HAO2: variants seen among roughly 807,000 people sequenced by gnomAD.
The protein encoded by HAO2 is 2-Hydroxyacid oxidase 2.
Under a neutral mutation model 37.4 loss-of-function variants are expected in HAO2, and 42 were observed. That is an observed-to-expected ratio of 1.12 (90% confidence interval 0.88 to 1.45). HAO2 has a LOEUF of 1.45. HAO2 is among the 40% of genes most tolerant of loss of function. The probability of loss-of-function intolerance (pLI) is 0.00; values close to 1 mark genes in which losing one functional copy is unlikely to be tolerated. For synonymous variants in HAO2, 180 were observed against 162.8 expected (o/e 1.11, Z -0.81); for missense variants, 476 against 430.2 (o/e 1.11, Z -0.94).
intron 1 of HAO2, among the ~76,000 whole-genome samples, chr1:119,371,061 C>G (rs6691943): frequency 0.074 from 11,208 of 152,192 alleles, 569 homozygotes; most frequent in East Asian, 0.19. Flanking sequence ...ACATAGAACT[C>G]CTTTCCCAAT....
chr1:119,381,712 C>T (rs1161719488), intron 2 of HAO2, among the ~76,000 whole-genome samples: 1 of 152,166 alleles, frequency 6.6e-6, no homozygotes, highest in East Asian at 1.9e-4. Context: ...GGTCAACCAA[C>T]AGCAGTCCAC....
chr1:119,379,446 C>T (rs1649741576), intron 1 of HAO2, among the ~76,000 whole-genome samples: 1 of 152,178 alleles, frequency 6.6e-6, no homozygotes, highest in Non-Finnish European at 1.5e-5. Context: ...AATTCCCAGG[C>T]ATCATATATT....
At position 119,386,776 on chromosome 1, in the gene HAO2, A is replaced by G; in HGVS notation, c.716A>G (p.Gln239Arg). The G allele has an allele frequency of 6.2e-7, 1 of 1,613,670 alleles. No individual in the cohort carries two copies. The highest frequency in any genetic ancestry group is 8.5e-7 in the Non-Finnish European group (1 of 1,179,592). ...GAGTTAGCTGTGAAGCACAATGTCC[A>G]GGGTATCATTGTTTCCAACCATGGT... ...DAELAVKHNVQGIIVSNHGGR... is the reference protein window; with the variant it reads ...DAELAVKHNVRGIIVSNHGGR... The change falls in exon 5 of 8, where the codon CAG becomes CGG. Residue 239 changes from glutamine (Q) to arginine (R), a missense_variant. Transcript: ENST00000325945.
chr1:119,383,104 G>C, intron 3 of HAO2, 38 bp downstream of exon 3: 1 of 1,538,930 alleles, frequency 6.5e-7, no homozygotes, highest in Non-Finnish European at 8.9e-7. Context: ...CTTTCCGGGA[G>C]GAGGTGTCCC....
chr1:119,386,941 G>C (rs1650432610), intron 5 of HAO2, 110 bp downstream of exon 5: 1 of 713,902 alleles, frequency 1.4e-6, no homozygotes, highest in East Asian at 2.5e-5. Context: ...TCACTCCTCT[G>C]TACCACATGT....
At chr1:119,385,585 A>G in intron 4 of HAO2, 1 of 983,600 alleles carries the variant, frequency 1.0e-6, no homozygotes, top group Non-Finnish European at 1.2e-6. Context: ...GAGCACCAGG[A>G]TGCTATAGCA....
intron 2 of HAO2, among the ~76,000 whole-genome samples, chr1:119,382,581 C>T (rs908722808): frequency 1.3e-5 from 2 of 152,184 alleles, no homozygotes; most frequent in African/African-American, 2.4e-5. Flanking sequence ...TGAACCAAAC[C>T]ATCCAAGTGC....
Position 119,392,707 on chromosome 1 carries a change from C to T in HAO2, c.1000+20C>T. Reference sequence around the variant, plus strand: ...TTACAGGTAAGTTAACATGTTTTCCCTGATTTGGAACTTAAAGCAGGATGG... The same window carrying T: ...TTACAGGTAAGTTAACATGTTTTCCTTGATTTGGAACTTAAAGCAGGATGG... On this transcript the variant is annotated intron_variant, in intron 7 of 7. Transcript: ENST00000325945. 6.7e-7 allele frequency: 1 copy of T among 1,487,090 alleles called. No homozygotes were observed. The highest frequency in any genetic ancestry group is 1.7e-5 in the Admixed American group (1 of 59,868). 92.1% of individuals were successfully genotyped at this position (1,487,090 alleles called of 1,614,324 possible).
Position 119,386,786 on chromosome 1 carries a change from T to C in HAO2, c.726T>C (p.Ile242=). The change falls in exon 5 of 8, where the codon ATT becomes ATC. Residue 242 remains isoleucine, a synonymous_variant. Coordinates refer to ENST00000325945, the MANE Select transcript of HAO2 (RefSeq NM_016527.4). ...TGAAGCACAATGTCCAGGGTATCAT[T>C]GTTTCCAACCATGGTGGGAGGCAGC... ...LAVKHNVQGI[I]VSNHGGRQLD... The C allele has an allele frequency of 6.2e-7, 1 of 1,613,774 alleles. No individual in the cohort carries two copies. Among genetic ancestry groups the C allele is most frequent in the Non-Finnish European group, 8.5e-7 (1 of 1,179,726 alleles).
intron 1 of HAO2, among the ~76,000 whole-genome samples, chr1:119,374,627 C>G (rs1570753066): frequency 6.6e-6 from 1 of 152,170 alleles, no homozygotes; most frequent in South Asian, 2.1e-4. Flanking sequence ...ACTTTTCTCC[C>G]CCGTTGTATC....
chr1:119,377,454 A>T (rs1455200771), intron 1 of HAO2, among the ~76,000 whole-genome samples: 1 of 152,176 alleles, frequency 6.6e-6, no homozygotes, highest in Non-Finnish European at 1.5e-5. Flanking sequence ...ACTTTCCCAC[A>T]TCTTCCTGTC....
intron 3 of HAO2, 140 bp downstream of exon 3, chr1:119,383,206 T>G: frequency 1.7e-6 from 1 of 589,900 alleles, no homozygotes; most frequent in Non-Finnish European, 3.0e-6. Flanking sequence ...AAGGGAATGC[T>G]TAAAGCTACG....
chr1:119,386,894 G>A, intron 5 of HAO2, 63 bp downstream of exon 5: 1 of 987,714 alleles, frequency 1.0e-6, no homozygotes, highest in Non-Finnish European at 1.6e-6. Flanking sequence ...GTGTGAGTGT[G>A]TCCACATCAA....
intron 5 of HAO2, among the ~76,000 whole-genome samples, 180 bp from the exon 6 acceptor site, chr1:119,391,930 G>C (rs1650941500): frequency 6.6e-6 from 1 of 152,162 alleles, no homozygotes; most frequent in Non-Finnish European, 1.5e-5. Flanking sequence ...AGTCAAGGCA[G>C]GAGGGCCTCA....
intron 1 of HAO2, among the ~76,000 whole-genome samples, chr1:119,374,242 A>G (rs116245753): frequency 3.9e-4 from 59 of 152,262 alleles, no homozygotes; most frequent in African/African-American, 1.3e-3. Flanking sequence ...CCTGAACCCA[A>G]CACTGCCATC....
rs779930635 is a variant in HAO2, at chr1:119,392,179, C to T, written c.841C>T (p.Arg281Ter). 28 of 1,613,028 alleles carry T rather than the reference C, an allele frequency of 1.7e-5. No homozygotes were observed. The highest frequency in any genetic ancestry group is 5.3e-5 in the African/African-American group (4 of 74,846). ...TGAAGTCTACCTGGATGGCGGGGTC[C>T]GAACTGGCAATGATGTGCTGAAGGC... Reference protein sequence around the residue: ...KIEVYLDGGVRTGNDVLKALA... With the variant: ...KIEVYLDGGV The change falls in exon 6 of 8, where the codon CGA becomes TGA. Residue 281 changes from arginine to a stop codon, truncating the protein, a stop_gained. Transcript: ENST00000325945. LOFTEE classifies it high-confidence loss of function.
At chr1:119,374,964 T>C (rs891737554) in intron 1 of HAO2, among the ~76,000 whole-genome samples, 3 of 152,186 alleles carry the variant, frequency 2.0e-5, no homozygotes, top group African/African-American at 7.2e-5. Flanking sequence ...TCCTCCTCTT[T>C]GTCACTGGTC....
chr1:119,369,024 A>T (rs587692770), intron 1 of HAO2, 122 bp downstream of exon 1: 3 of 152,392 alleles, frequency 2.0e-5, no homozygotes, highest in Admixed American at 6.5e-5. Flanking sequence ...GACCTTGGCA[A>T]AGATGGTCCT....
chr1:119,388,588 G>A (rs1650575099), intron 5 of HAO2, among the ~76,000 whole-genome samples: 1 of 152,156 alleles, frequency 6.6e-6, no homozygotes, highest in Non-Finnish European at 1.5e-5. Flanking sequence ...ATATCAGTGT[G>A]AGTCTCGTGA....
Sources: gnomAD v4.1 joint callset for allele counts (sites outside exome capture counted in the v4.1 genomes callset) on GRCh38, gnomAD v4.1.1 for gene constraint, MANE v1.5 for transcripts, NCBI Gene and HGNC (gene_info 2026-07-23, HGNC 2026-07-21) for gene names.